The following COL5A1 variants were observed in gnomAD, a reference collection of about 807,000 sequenced individuals.
The protein encoded by COL5A1 is collagen type V alpha 1 chain.
A neutral mutation model predicts 263.7 loss-of-function variants in COL5A1; 16 were observed. That is an observed-to-expected ratio of 0.06 (90% confidence interval 0.04 to 0.09). The LOEUF (loss-of-function observed/expected upper bound fraction) is 0.09. COL5A1 is among the 10% of genes least tolerant of loss of function. COL5A1 has a pLI of 1.00. For missense variants in COL5A1, 2,036 were observed against 2,540.5 expected (o/e 0.80, Z 4.27); for synonymous variants, 1,012 against 1,004.5 (o/e 1.01, Z -0.14).
At chr9:134,725,927 ATTTG>A (rs1588474607) in intron 4 of COL5A1, among the ~76,000 whole-genome samples, 1 of 152,092 alleles carries the variant, frequency 6.6e-6, no homozygotes, top group African/African-American at 2.4e-5. Flanking sequence ...GTATACATTT[ATTTG>A]TTTGAGTCCC....
chr9:134,806,558 G>A (rs2132831529), intron 42 of COL5A1, among the ~76,000 whole-genome samples: 1 of 152,310 alleles, frequency 6.6e-6, no homozygotes, highest in South Asian at 2.1e-4. Flanking sequence ...GGATGATGTT[G>A]GGCCGGTCTC....
chr9:134,755,588 G>A lies in COL5A1; in HGVS notation c.1828-1177G>A, dbSNP rs965517031. Among the ~76,000 whole-genome samples, 21 of 152,254 alleles carry A rather than the reference G, an allele frequency of 1.4e-4. No homozygotes were observed. The highest frequency in any genetic ancestry group is 5.1e-4 in the African/African-American group (21 of 41,478). On this transcript the variant is annotated intron_variant, in intron 16 of 65. Transcript: ENST00000371817. This position sits in a 1 kb window ranked among gnomAD's most constrained non-coding sequence, Gnocchi z 4.1. ...TTTCCTGCAAGGAACGCTCGCTTGTGAATTGTAGAAGCATCTGGGTGCTTT... is the reference window on the plus strand; with the variant it reads ...TTTCCTGCAAGGAACGCTCGCTTGTAAATTGTAGAAGCATCTGGGTGCTTT...
chr9:134,715,848 T>A (rs1300643137), intron 4 of COL5A1, among the ~76,000 whole-genome samples: 2 of 152,234 alleles, frequency 1.3e-5, no homozygotes, highest in South Asian at 2.1e-4. Flanking sequence ...GTCTACTTCT[T>A]TCTACATAGA....
intron 29 of COL5A1, 149 bp downstream of exon 29, chr9:134,782,869 G>C: frequency 1.2e-6 from 1 of 809,222 alleles, no homozygotes; most frequent in Non-Finnish European, 2.1e-6. Flanking sequence ...GGGGACAGTG[G>C]CGTGGAGCCC....
chr9:134,800,924 C>T (rs935446492), intron 37 of COL5A1, among the ~76,000 whole-genome samples: 10 of 152,178 alleles, frequency 6.6e-5, no homozygotes, highest in South Asian at 2.1e-4. Context: ...TCTCCTCCAG[C>T]GTCTAGAGTT....
At chr9:134,665,537 T>TGG (rs1463051141) in intron 1 of COL5A1, among the ~76,000 whole-genome samples, 1 of 152,192 alleles carries the variant, frequency 6.6e-6, no homozygotes, top group Non-Finnish European at 1.5e-5. Flanking sequence ...GCATACAAAT[T>TGG]GGGACTCGTG....
intron 53 of COL5A1, 80 bp from the exon 54 acceptor site, chr9:134,817,698 C>G: frequency 7.7e-7 from 1 of 1,305,728 alleles, no homozygotes; most frequent in Non-Finnish European, 1.1e-6. Flanking sequence ...CACACACACA[C>G]CCTGAGCGCC....
intron 63 of COL5A1, among the ~76,000 whole-genome samples, chr9:134,826,586 T>C (rs1043063725): frequency 2.0e-5 from 2 of 101,306 alleles, no homozygotes; most frequent in African/African-American, 8.4e-5. Flanking sequence ...CTGTGTGGTT[T>C]TGTAGTTGGG....
In COL5A1 at chr9:134,824,835, G is replaced by A. The variant is rs863223461; in HGVS notation, c.4934G>A (p.Cys1645Tyr). 53 of 1,612,962 alleles carry A rather than the reference G, an allele frequency of 3.3e-5. No homozygotes were observed. Among genetic ancestry groups the A allele is most frequent in the Non-Finnish European group, 4.4e-5 (52 of 1,179,856 alleles). The change falls in exon 62 of 66, where the codon TGC becomes TAC. Residue 1645 changes from cysteine (C) to tyrosine (Y), a missense_variant. Physicochemically the swap from Cys to Tyr is radical, Grantham distance 194. This residue lies in a region of COL5A1 where 358 missense variants were observed against 384.6 expected (regional missense o/e 0.93). Transcript: ENST00000371817. ...CGCACCTGCAAGGACCTGCAGCTCT[G>A]CCACCCCGACTTCCCAGATGGTGAG... is the stretch of plus-strand genomic sequence containing the variant. The part of the protein sequence containing the change: ...PARTCKDLQL[C>Y]HPDFPDGEYW...
chr9:134,700,534 C>A lies in COL5A1; in HGVS notation c.491+412C>A, dbSNP rs186334077. On this transcript the variant is annotated intron_variant, in intron 3 of 65. Transcript: ENST00000371817. The surrounding 1 kb of genome is among the most constrained non-coding windows in gnomAD (Gnocchi z 4.0). ...AGAAAAAGCGGGTCGTGCCAGCACG[C>A]TCTGTTGGGTGCAGACCTCAACACC... Among the ~76,000 whole-genome samples, 2 of 152,216 alleles carry A rather than the reference C, an allele frequency of 1.3e-5. No homozygotes were observed. Among genetic ancestry groups the A allele is most frequent in the South Asian group, 2.1e-4 (1 of 4,832 alleles).
At position 134,809,226 on chromosome 9, in the gene COL5A1, A is replaced by G; in HGVS notation, c.3410A>G (p.Gln1137Arg). ...GGCCCAGCTGGCCGAGACGGTCTCC[A>G]GGGGCCTGTGGGGCTCCCGGGTCCA... ...PQGPAGRDGL[Q>R]GPVGLPGPAG... Residue 1137 changes from glutamine (Q) to arginine (R), a missense_variant, in exon 43 of 66, where the codon CAG becomes CGG. Transcript: ENST00000371817. The G allele has an allele frequency of 1.9e-6, 3 of 1,605,206 alleles. No individual in the cohort carries two copies. The highest frequency in any genetic ancestry group is 1.7e-6 in the Non-Finnish European group (2 of 1,176,178).
intron 28 of COL5A1, among the ~76,000 whole-genome samples, chr9:134,780,386 C>T (rs368147862): frequency 3.5e-4 from 53 of 152,288 alleles, no homozygotes; most frequent in African/African-American, 1.2e-3. Flanking sequence ...CTGAGTGGGT[C>T]CAGGGTTTGT....
At chr9:134,806,477 GAGGAGCAC>G (rs1363082353) in intron 42 of COL5A1, among the ~76,000 whole-genome samples, 181 bp downstream of exon 42, 1 of 151,998 alleles carries the variant, frequency 6.6e-6, no homozygotes, top group Non-Finnish European at 1.5e-5. Context: ...TGACCTGCCT[GAGGAGCAC>G]AGGAGGAGTC....
At chr9:134,759,659 C>T (rs1328141499) in intron 18 of COL5A1, among the ~76,000 whole-genome samples, 13 of 120,652 alleles carry the variant, frequency 1.1e-4, no homozygotes, top group African/African-American at 4.6e-4. Flanking sequence ...TGCACACATA[C>T]GCATGCACAC....
At chr9:134,683,995 T>C (rs560634962) in intron 1 of COL5A1, among the ~76,000 whole-genome samples, 9 of 152,172 alleles carry the variant, frequency 5.9e-5, no homozygotes, top group Non-Finnish European at 1.0e-4. Flanking sequence ...TGAGGACACA[T>C]CTGCGTCACT....
chr9:134,702,887 G>A (rs1833720833), intron 4 of COL5A1, among the ~76,000 whole-genome samples: 1 of 152,238 alleles, frequency 6.6e-6, no homozygotes, highest in Admixed American at 6.5e-5. Context: ...TGTGGCAAAG[G>A]TTCCATGAGG....
intron 51 of COL5A1, 86 bp from the exon 52 acceptor site, chr9:134,815,849 A>C: frequency 6.5e-7 from 1 of 1,533,450 alleles, no homozygotes; most frequent in Non-Finnish European, 9.0e-7. Context: ...GGGTTTTGGG[A>C]AGGGGCTGGA....
chr9:134,824,882 C>T, intron 62 of COL5A1, 27 bp downstream of exon 62: 2 of 1,595,220 alleles, frequency 1.3e-6, no homozygotes, highest in Non-Finnish European at 8.5e-7. Flanking sequence ...GCAGGGGTGG[C>T]CCCCCAAAGC....
At chr9:134,786,106 T>TC in intron 31 of COL5A1, 58 bp downstream of exon 31, 1 of 1,465,250 alleles carries the variant, frequency 6.8e-7, no homozygotes, top group Non-Finnish European at 9.4e-7. Context: ...CTGCCCGGTC[T>TC]CCCCACCCTG....
Sources: gnomAD v4.1 joint callset for allele counts (sites outside exome capture counted in the v4.1 genomes callset) on GRCh38, gnomAD v4.1.1 for gene constraint, gnomAD v4.1.1 regional missense constraint, Gnocchi (gnomAD v3.1) non-coding constraint, MANE v1.5 for transcripts, NCBI Gene and HGNC (gene_info 2026-07-23, HGNC 2026-07-21) for gene names.